The following GSE1 variants were observed in gnomAD, a reference collection of about 807,000 sequenced individuals.
The protein encoded by GSE1 is genetic suppressor element 1.
Under a neutral mutation model 112.6 loss-of-function variants are expected in GSE1, and 32 were observed. That is an observed-to-expected ratio of 0.28 (90% CI 0.21 to 0.38). The LOEUF (loss-of-function observed/expected upper bound fraction) is 0.38, where lower values mean the gene tolerates loss of function less well. Ranked by LOEUF, GSE1 falls within the 10% of genes least tolerant of loss-of-function variation. The pLI is 1.00. For missense variants in GSE1, 2,348 were observed against 1,699.2 expected (o/e 1.38, Z -6.71); for synonymous variants, 1,115 against 735.6 (o/e 1.52, Z -8.35).
chr16:85,171,658 C>T (rs902505966), exon 1 of GSE1: 47 of 985,458 alleles, frequency 4.8e-5, no homozygotes, highest in Non-Finnish European at 5.4e-5. Context: ...CCTATACACC[C>T]TGCGAGCAAG....
Position 85,656,423 on chromosome 16 carries a change from G to T in GSE1, c.1070G>T (p.Arg357Leu), listed in dbSNP as rs370252559. The part of the protein sequence containing the change: ...REREREADRE[R>L]EKEREREREK... ...CGTGAGCGTGAGGCTGACCGCGAGCGGGAGAAGGAACGTGAGCGCGAACGC... is the reference window on the plus strand; with the variant it reads ...CGTGAGCGTGAGGCTGACCGCGAGCTGGAGAAGGAACGTGAGCGCGAACGC... The change falls in exon 7 of 16, where the codon CGG becomes CTG. Residue 357 changes from arginine (R) to leucine (L), a missense_variant. Transcript: ENST00000253458. 3 of 1,571,368 alleles carry T rather than the reference G, an allele frequency of 1.9e-6. No individual in the cohort carries two copies. Among genetic ancestry groups the T allele is most frequent in the Middle Eastern group, 1.7e-4 (1 of 5,908 alleles).
intron 2 of GSE1, among the ~76,000 whole-genome samples, chr16:85,368,208 A>G (rs1045288872): frequency 6.0e-4 from 91 of 152,204 alleles, no homozygotes; most frequent in African/African-American, 1.9e-3. Flanking sequence ...TCAAGAGCTG[A>G]TGTTCCAAGC....
At chr16:85,246,880 C>A (rs4073555) in intron 1 of GSE1, among the ~76,000 whole-genome samples, 1 of 152,150 alleles carries the variant, frequency 6.6e-6, no homozygotes, top group South Asian at 2.1e-4. Flanking sequence ...TGGTTTGTCC[C>A]CCACACCATA....
chr16:85,332,405 G>C (rs1177686282), intron 1 of GSE1, among the ~76,000 whole-genome samples: 1 of 152,204 alleles, frequency 6.6e-6, no homozygotes, highest in Non-Finnish European at 1.5e-5. Flanking sequence ...GAATCCTCCA[G>C]CAACCCTACG....
chr16:85,652,827 C>A (rs894362008), intron 3 of GSE1, among the ~76,000 whole-genome samples: 1 of 152,120 alleles, frequency 6.6e-6, no homozygotes, highest in African/African-American at 2.4e-5. Context: ...TGTGGGGAGA[C>A]GGCCATGGCC....
chr16:85,592,026 T>C (rs1459324392), intron 1 of GSE1, among the ~76,000 whole-genome samples: 7 of 152,152 alleles, frequency 4.6e-5, no homozygotes, highest in Admixed American at 4.6e-4. Flanking sequence ...TAAGGCTAAG[T>C]AGCACCTGCG....
At chr16:85,556,748 TG>T (rs1567585716) in intron 1 of GSE1, among the ~76,000 whole-genome samples, 1 of 101,242 alleles carries the variant, frequency 9.9e-6, no homozygotes, top group African/African-American at 4.3e-5. Flanking sequence ...TCGGGTAGCA[TG>T]CCCCCCCCCC....
At chr16:85,431,672 C>T (rs962144843) in intron 2 of GSE1, among the ~76,000 whole-genome samples, 21 of 152,258 alleles carry the variant, frequency 1.4e-4, no homozygotes, top group African/African-American at 4.3e-4. Flanking sequence ...CGTCCTCCTT[C>T]GGAGCGAAGC....
Position 85,560,150 on chromosome 16 carries a change from T to A in GSE1, c.37+3787T>A, listed in dbSNP as rs78063047. 3.5e-3 allele frequency among the ~76,000 whole-genome samples: 502 copies of A among 145,146 alleles called. 1 individual carries two copies. The highest frequency in any genetic ancestry group is 0.014 in the Middle Eastern group (4 of 276). ...CTTCTTTTTTTTTTTTTTTTTTTTT[T>A]ATGTGAGACGGAGTCTCTCTCTCTT... On this transcript the variant is annotated intron_variant, in intron 1 of 2. Coordinates refer to the GSE1 transcript ENST00000635906.
chr16:85,402,799 C>T (rs1367896615), intron 2 of GSE1, among the ~76,000 whole-genome samples: 1 of 151,908 alleles, frequency 6.6e-6, no homozygotes, highest in Non-Finnish European at 1.5e-5. Flanking sequence ...CCTGTAGTCC[C>T]AGTTACTTGG....
rs558983952 is a variant in GSE1, at chr16:85,537,480, G to A, written c.2465-96434G>A. 3.3e-5 allele frequency among the ~76,000 whole-genome samples: 5 copies of A among 152,322 alleles called. No individual in the cohort carries two copies. The East Asian group carries it at 9.7e-4, about 29-fold the overall frequency. On this transcript the variant is annotated intron_variant, in intron 2 of 2. Coordinates refer to the GSE1 transcript ENST00000637419. ...GGCCGGCCCAACCTGGGGTCAACGG[G>A]GCTGCCCAGGCGCCTGAAAGCTGGG...
At chr16:85,409,602 AG>A (rs1254519519) in intron 2 of GSE1, among the ~76,000 whole-genome samples, 8 of 7,268 alleles carry the variant, frequency 1.1e-3, no homozygotes, top group Admixed American at 2.6e-3. Flanking sequence ...TGTTGCACTC[AG>A]GGCCCCCCTG....
chr16:85,623,992 T>G (rs190831843), intron 1 of GSE1, among the ~76,000 whole-genome samples: 2 of 152,294 alleles, frequency 1.3e-5, no homozygotes, highest in Admixed American at 1.3e-4. Context: ...CGTCCTTGGA[T>G]CCTCTCTCCC....
At chr16:85,645,515 C>T (rs945813379) in intron 2 of GSE1, among the ~76,000 whole-genome samples, 3 of 152,172 alleles carry the variant, frequency 2.0e-5, no homozygotes, top group Non-Finnish European at 4.4e-5. Flanking sequence ...TGCCCCACCC[C>T]AAGGGAGCAC....
intron 2 of GSE1, among the ~76,000 whole-genome samples, chr16:85,480,340 G>C (rs971191919): frequency 6.6e-6 from 1 of 152,178 alleles, no homozygotes; most frequent in Non-Finnish European, 1.5e-5. Context: ...CCTGGGCGAC[G>C]TCTTCTGCAT....
chr16:85,659,013 A>C (rs1294371251), intron 8 of GSE1, among the ~76,000 whole-genome samples: 1 of 152,240 alleles, frequency 6.6e-6, no homozygotes, highest in Non-Finnish European at 1.5e-5. Flanking sequence ...CAGGGCCCTC[A>C]TGCTCCAAGC....
chr16:85,366,133 G>A (rs2151588884), intron 2 of GSE1, among the ~76,000 whole-genome samples: 1 of 152,408 alleles, frequency 6.6e-6, no homozygotes, highest in African/African-American at 2.4e-5. Context: ...GCGGGACTGC[G>A]CTCGGGTACT....
In GSE1 at chr16:85,674,863, C is replaced by T. The variant is rs1437164280; in HGVS notation, c.*2324C>T. 1 of 152,692 alleles carries T rather than the reference C, an allele frequency of 6.5e-6. No individual in the cohort carries two copies. Among genetic ancestry groups the T allele is most frequent in the Non-Finnish European group, 1.5e-5 (1 of 68,066 alleles). 9.5% of individuals were successfully genotyped at this position (152,692 alleles called of 1,614,324 possible). On this transcript the variant is annotated 3_prime_UTR_variant, in exon 16 of 16. Coordinates refer to ENST00000253458, the MANE Select transcript of GSE1 (RefSeq NM_014615.5). ...CTGCCCGGCCCTTGAGCTTCTTGCC[C>T]ACTGTCTCCCCATCCTTCCACCTAC...
chr16:85,604,967 T>A (rs1480988927), intron 1 of GSE1, among the ~76,000 whole-genome samples: 2 of 143,066 alleles, frequency 1.4e-5, no homozygotes, highest in Non-Finnish European at 1.5e-5. Context: ...ACAGGCGCCC[T>A]CCACCACGCC....
Sources: allele counts gnomAD v4.1 joint callset (sites outside exome capture counted in the v4.1 genomes callset), GRCh38; gene constraint gnomAD v4.1.1; transcripts MANE v1.5; gene names NCBI Gene and HGNC (gene_info 2026-07-23, HGNC 2026-07-21).